Variants in SECISBP2L observed in about 807,000 individuals in gnomAD.
The protein encoded by SECISBP2L is selenocysteine insertion sequence-binding protein 2-like.
A neutral mutation model predicts 114.7 loss-of-function variants in SECISBP2L; 43 were observed. The ratio of observed to expected loss-of-function variants is 0.38; its 90% CI spans 0.29 to 0.48. The LOEUF (loss-of-function observed/expected upper bound fraction) is 0.48. Ranked by LOEUF, SECISBP2L falls within the 20% of genes least tolerant of loss-of-function variation. SECISBP2L has a pLI of 0.98. For synonymous variants in SECISBP2L, 451 were observed against 439.7 expected (o/e 1.03, Z -0.32); for missense variants, 1,136 against 1,301.1 (o/e 0.87, Z 1.95).
intron 11 of SECISBP2L, among the ~76,000 whole-genome samples, chr15:49,013,953 T>C (rs894451542): frequency 6.6e-6 from 1 of 152,206 alleles, no homozygotes; most frequent in African/African-American, 2.4e-5. Flanking sequence ...AGAAAGGGTT[T>C]TTTAAAAAGG....
At position 49,046,268 on chromosome 15, in the gene SECISBP2L, C is replaced by T. The variant is rs1369459330; in HGVS notation, c.24+8G>A. The stretch of plus-strand genomic sequence containing the variant: ...CCGGCTCGGCGGGCCCAGCCCAAAC[C>T]CGCGTACCTGCTCCGTGGGGGCTCG... On this transcript the variant is annotated splice_region_variant and intron_variant, in intron 1 of 17. Coordinates refer to ENST00000559471, the MANE Select transcript of SECISBP2L (RefSeq NM_001193489.2). The T allele has an allele frequency of 1.3e-6, 2 of 1,563,630 alleles. No homozygotes were observed. The highest frequency in any genetic ancestry group is 8.6e-7 in the Non-Finnish European group (1 of 1,157,276).
rs1383009912 is a variant in SECISBP2L at position 49,016,562 on chromosome 15, G to A, written c.1559C>T (p.Thr520Ile). 1.2e-6 allele frequency: 2 copies of A among 1,605,200 alleles called. No individual in the cohort carries two copies. Among genetic ancestry groups the A allele is most frequent in the African/African-American group, 1.3e-5 (1 of 74,432 alleles). ...ATTGCTCAGACTAATGATATCACCT[G>A]TATATGACAGAGGTCTGGTGTTAGT... ...QITNTRPLSY[T>I]VVTAASFHTK... Residue 520 changes from threonine to isoleucine, a missense_variant and splice_region_variant, in exon 11 of 18, where the codon ACA becomes ATA. Coordinates refer to ENST00000559471, the MANE Select transcript of SECISBP2L (RefSeq NM_001193489.2).
intron 16 of SECISBP2L, among the ~76,000 whole-genome samples, chr15:48,996,980 A>C (rs573961481): frequency 6.6e-6 from 1 of 152,322 alleles, no homozygotes; most frequent in Admixed American, 6.5e-5. Context: ...CCTATAATGC[A>C]AGGCATAACA....
At chr15:49,036,975 A>C (rs183368073) in intron 2 of SECISBP2L, among the ~76,000 whole-genome samples, 30 of 152,322 alleles carry the variant, frequency 2.0e-4, no homozygotes, top group Non-Finnish European at 3.1e-4. Context: ...TTATACAGCC[A>C]TAAAATAAAC....
intron 6 of SECISBP2L, among the ~76,000 whole-genome samples, chr15:49,027,918 T>A (rs1463696300): frequency 4.6e-5 from 7 of 152,088 alleles, no homozygotes; most frequent in Non-Finnish European, 1.0e-4. Flanking sequence ...CCTATAAACT[T>A]CTAAGCAGTA....
chr15:49,014,165 T>G (rs1902492260), intron 11 of SECISBP2L, among the ~76,000 whole-genome samples: 2 of 152,206 alleles, frequency 1.3e-5, no homozygotes, highest in Admixed American at 1.3e-4. Context: ...GACTCTTCAC[T>G]CTACTCTAAT....
rs766070441 is a variant in SECISBP2L at position 49,035,709 on chromosome 15, C to A, written c.204-51G>T. ...AAATCTATTGACAAGTCTAAAAATA[C>A]CACTAAAGCAAAATCTCTTAACTTA... is the stretch of plus-strand genomic sequence containing the variant. On this transcript the variant is annotated intron_variant, in intron 2 of 17. Transcript: ENST00000559471. The A allele has an allele frequency of 1.9e-5, 28 of 1,492,664 alleles. No individual in the cohort carries two copies. The South Asian group carries it at 3.5e-4, about 18-fold the overall frequency. 92.5% of individuals were successfully genotyped at this position (1,492,664 alleles called of 1,614,324 possible).
chr15:49,011,761 C>G lies in SECISBP2L; in HGVS notation c.1834G>C (p.Asp612His). 6.2e-7 allele frequency: 1 copy of G among 1,614,018 alleles called. No individual in the cohort carries two copies. Among genetic ancestry groups the G allele is most frequent in the Non-Finnish European group, 8.5e-7 (1 of 1,179,956 alleles). ...PTEMHLDFID[D>H]LPQEIVSQED... ...TGGGAAACAATCTCCTGTGGCAAGT[C>G]ATCAATAAAATCTAAGTGCATTTCT... The change falls in exon 13 of 18, where the codon GAC becomes CAC. Residue 612 changes from aspartate to histidine, a missense_variant. Coordinates refer to ENST00000559471, the MANE Select transcript of SECISBP2L (RefSeq NM_001193489.2).
intron 16 of SECISBP2L, among the ~76,000 whole-genome samples, 170 bp downstream of exon 16, chr15:48,999,663 C>G (rs1010795584): frequency 6.6e-6 from 1 of 152,146 alleles, no homozygotes; most frequent in African/African-American, 2.4e-5. Context: ...TAAATCTTTT[C>G]CACCACTAAA....
At chr15:49,012,512 AT>A in intron 12 of SECISBP2L, 135 bp downstream of exon 12, 1 of 860,754 alleles carries the variant, frequency 1.2e-6, no homozygotes, top group South Asian at 1.6e-5. Flanking sequence ...AAATTAACAC[AT>A]TATCGTCAAG....
chr15:49,037,900 C>T (rs542777889), intron 1 of SECISBP2L, 131 bp from the exon 2 acceptor site: 1 of 577,700 alleles, frequency 1.7e-6, no homozygotes, highest in East Asian at 3.1e-5. Flanking sequence ...ATAAAACATC[C>T]AAAAGGAAGA....
chr15:48,990,643 G>C lies in SECISBP2L; in HGVS notation c.*1601C>G, dbSNP rs1901954540. ...CAATCTCTCCAGTAATTAAATGCCA[G>C]CATTATAAAACATCAAAACTAGCAC... On this transcript the variant is annotated 3_prime_UTR_variant, in exon 18 of 18. Transcript: ENST00000559471. 1 of 152,502 alleles carries C rather than the reference G, an allele frequency of 6.6e-6. No homozygotes were observed. The highest frequency in any genetic ancestry group is 2.4e-5 in the African/African-American group (1 of 41,382). 9.4% of individuals were successfully genotyped at this position (152,502 alleles called of 1,614,324 possible). A position where few individuals can be genotyped will look rare whatever the true frequency, so the allele number is the denominator to read the frequency against.
chr15:49,028,777 A>G (rs1902818752), intron 4 of SECISBP2L, 95 bp from the exon 5 acceptor site: 2 of 1,024,654 alleles, frequency 2.0e-6, no homozygotes, highest in Admixed American at 2.3e-5. Flanking sequence ...AATAGATACC[A>G]AACTTCATAA....
chr15:49,003,213 T>C lies in SECISBP2L; in HGVS notation c.2028-2116A>G, dbSNP rs561961857. Among the ~76,000 whole-genome samples, 20 of 152,356 alleles carry C rather than the reference T, an allele frequency of 1.3e-4. No individual in the cohort carries two copies. The East Asian group carries it at 2.1e-3, about 16-fold the overall frequency. ...AGGTATTTTATTCTCTTTGTGGCAA[T>C]TGTGAATGGGAGTTCACTCATTATT... On this transcript the variant is annotated intron_variant, in intron 14 of 17. Coordinates refer to ENST00000559471, the MANE Select transcript of SECISBP2L (RefSeq NM_001193489.2).
At chr15:48,999,279 C>T (rs539300010) in intron 16 of SECISBP2L, among the ~76,000 whole-genome samples, 2 of 152,248 alleles carry the variant, frequency 1.3e-5, no homozygotes, top group Admixed American at 1.3e-4. Flanking sequence ...TTAAACACTA[C>T]AGTTGATGAG....
At chr15:49,026,453 T>C (rs1487765056) in intron 7 of SECISBP2L, among the ~76,000 whole-genome samples, 3 of 152,238 alleles carry the variant, frequency 2.0e-5, no homozygotes, top group African/African-American at 7.2e-5. Context: ...TTACACATTA[T>C]ATACATATAT....
At position 48,999,926 on chromosome 15, in the gene SECISBP2L, A is replaced by G; in HGVS notation, c.2310T>C (p.Phe770=). 6.2e-7 allele frequency: 1 copy of G among 1,614,068 alleles called. No individual in the cohort carries two copies. The highest frequency in any genetic ancestry group is 8.5e-7 in the Non-Finnish European group (1 of 1,179,968). The change falls in exon 16 of 18, where the codon TTT becomes TTC. Residue 770 remains phenylalanine (F), a synonymous_variant. Coordinates refer to ENST00000559471, the MANE Select transcript of SECISBP2L (RefSeq NM_001193489.2). The part of the protein sequence containing the change: ...IAMAREQEIP[F]VFALGRKALG... ...GAGCTTTCCTTCCAAGGGCAAACAC[A>G]AAAGGAATTTCTTGTTCCCGTGCCA... is the stretch of plus-strand genomic sequence containing the variant.
intron 14 of SECISBP2L, among the ~76,000 whole-genome samples, chr15:49,005,054 G>A (rs1344331347): frequency 6.6e-6 from 1 of 152,088 alleles, no homozygotes; most frequent in Non-Finnish European, 1.5e-5. Flanking sequence ...TATTGGCTGG[G>A]CGCAGTGGCT....
At chr15:49,015,415 G>T (rs1365770668) in intron 11 of SECISBP2L, among the ~76,000 whole-genome samples, 2 of 152,058 alleles carry the variant, frequency 1.3e-5, no homozygotes, top group Non-Finnish European at 2.9e-5. Flanking sequence ...ATAGTGGATT[G>T]GTAACTAGAT....
Sources: allele counts gnomAD v4.1 joint callset (sites outside exome capture counted in the v4.1 genomes callset), GRCh38; gene constraint gnomAD v4.1.1; transcripts MANE v1.5; gene names NCBI Gene and HGNC (gene_info 2026-07-23, HGNC 2026-07-21).